WDR41: variants seen among roughly 807,000 people sequenced by gnomAD.
WDR41 encodes the protein WD repeat-containing protein 41.
Under a neutral mutation model 69.3 loss-of-function variants are expected in WDR41, and 63 were observed. That is an observed-to-expected ratio of 0.91 (90% CI 0.74 to 1.12). WDR41 has a LOEUF of 1.12. WDR41 is among the 50% of genes most tolerant of loss of function. The probability of loss-of-function intolerance (pLI) is 0.00; values close to 1 mark genes in which losing one functional copy is unlikely to be tolerated. For missense variants in WDR41, 543 were observed against 534.5 expected (o/e 1.02, Z -0.16); for synonymous variants, 185 against 192.1 (o/e 0.96, Z 0.31).
chr5:77,552,886 T>C (rs1167164971), intron 1 of WDR41, among the ~76,000 whole-genome samples: 1 of 152,206 alleles, frequency 6.6e-6, no homozygotes, highest in African/African-American at 2.4e-5. Flanking sequence ...ATATAAAAAA[T>C]GAGCTTAAAT....
intron 1 of WDR41, among the ~76,000 whole-genome samples, chr5:77,502,367 T>A (rs1802030790): frequency 6.6e-6 from 1 of 150,538 alleles, no homozygotes; most frequent in African/African-American, 2.4e-5. Context: ...AATATGGGAC[T>A]ATGTGAAAAG....
rs140688361 is a variant in WDR41 at position 77,433,451 on chromosome 5, A to C, written c.1228-164T>G. 3.6e-3 allele frequency among the ~76,000 whole-genome samples: 551 copies of C among 152,324 alleles called. 2 individuals are homozygous for C. The highest frequency in any genetic ancestry group is 4.8e-3 in the Non-Finnish European group (325 of 68,038). On this transcript the variant is annotated intron_variant, in intron 12 of 12. Transcript: ENST00000296679. ...AGTATTGGTAAGTCACATACAAATAATATCTAATATTTTAATCAGAATTTT... is the reference window on the plus strand; with the variant it reads ...AGTATTGGTAAGTCACATACAAATACTATCTAATATTTTAATCAGAATTTT...
At chr5:77,515,017 C>T (rs930530943) in intron 1 of WDR41, among the ~76,000 whole-genome samples, 1 of 152,082 alleles carries the variant, frequency 6.6e-6, no homozygotes, top group East Asian at 1.9e-4. Context: ...CTCCAGTAAA[C>T]TTTATAAACA....
chr5:77,592,795 A>G (rs1212250849), intron 1 of WDR41, among the ~76,000 whole-genome samples: 1 of 152,208 alleles, frequency 6.6e-6, no homozygotes, highest in Non-Finnish European at 1.5e-5. Context: ...CTTGTTGTCC[A>G]GTGTTTTTAT....
intron 2 of WDR41, among the ~76,000 whole-genome samples, chr5:77,485,314 G>C (rs1048946948): frequency 6.6e-6 from 1 of 152,196 alleles, no homozygotes; most frequent in African/African-American, 2.4e-5. Flanking sequence ...CTGAAGGTTA[G>C]TGTATAAGAA....
At chr5:77,492,131 A>C (rs1367864485) in intron 1 of WDR41, 39 bp downstream of exon 1, 1 of 1,600,716 alleles carries the variant, frequency 6.2e-7, no homozygotes, top group Non-Finnish European at 8.5e-7. Flanking sequence ...CCCCTCCAGC[A>C]AGCTCGACGG....
intron 1 of WDR41, chr5:77,582,905 G>T (rs1157702047): frequency 5.6e-6 from 9 of 1,608,756 alleles, no homozygotes; most frequent in Non-Finnish European, 7.6e-6. Flanking sequence ...TTGATTGCTC[G>T]ATCTCTTGGT....
rs1554032661 is a variant in WDR41, at chr5:77,489,581, GAA to G, written c.52-11_52-10del. On this transcript the variant is annotated splice_polypyrimidine_tract_variant and intron_variant, in intron 1 of 12. Coordinates refer to ENST00000296679, the MANE Select transcript of WDR41 (RefSeq NM_018268.4). ...GTCTGTAAAGGAGATTTCTTGTATT[GAA>G]AAAAAAAAAAAAGCAAAAAACAAAA... is the stretch of plus-strand genomic sequence containing the variant. The G allele has an allele frequency of 8.7e-3, 8,409 of 966,274 alleles. No individual in the cohort carries two copies. Among genetic ancestry groups the G allele is most frequent in the Non-Finnish European group, 9.5e-3 (6,676 of 705,090 alleles). The allele number at this position is 966,274 out of a possible 1,614,324, so 59.9% of individuals were successfully genotyped here.
At chr5:77,512,888 A>G (rs1194707456) in intron 1 of WDR41, among the ~76,000 whole-genome samples, 2 of 152,268 alleles carry the variant, frequency 1.3e-5, no homozygotes, top group Non-Finnish European at 2.9e-5. Flanking sequence ...TATTCTTCTT[A>G]CAAGTTAAAC....
intron 4 of WDR41, among the ~76,000 whole-genome samples, chr5:77,461,949 A>C (rs1800087110): frequency 6.6e-6 from 1 of 152,168 alleles, no homozygotes; most frequent in Non-Finnish European, 1.5e-5. Flanking sequence ...CCTCATACAG[A>C]TATTAAAGGG....
At chr5:77,529,362 A>G (rs1315524555) in intron 1 of WDR41, among the ~76,000 whole-genome samples, 1 of 151,538 alleles carries the variant, frequency 6.6e-6, no homozygotes, top group Non-Finnish European at 1.5e-5. Flanking sequence ...TTACTGATAA[A>G]AAAAACTTTA....
At chr5:77,434,311 C>CG (rs1323269510) in intron 12 of WDR41, among the ~76,000 whole-genome samples, 48 of 150,888 alleles carry the variant, frequency 3.2e-4, no homozygotes, top group South Asian at 2.5e-3. Flanking sequence ...AACTCCCTCT[C>CG]GGGAAAAAAA....
At chr5:77,611,952 A>C (rs1326773664) in intron 1 of WDR41, among the ~76,000 whole-genome samples, 1 of 152,222 alleles carries the variant, frequency 6.6e-6, no homozygotes, top group Non-Finnish European at 1.5e-5. Context: ...AAAAATGAAA[A>C]AGGGGATATC....
intron 5 of WDR41, among the ~76,000 whole-genome samples, chr5:77,456,155 G>A (rs1010289903): frequency 1.3e-5 from 2 of 151,944 alleles, no homozygotes; most frequent in African/African-American, 2.4e-5. Flanking sequence ...GTAGTTTTTG[G>A]TATATAAGTC....
intron 8 of WDR41, among the ~76,000 whole-genome samples, chr5:77,446,779 G>A (rs1004206653): frequency 6.6e-6 from 1 of 152,116 alleles, no homozygotes; most frequent in African/African-American, 2.4e-5. Flanking sequence ...ATTAACTCAA[G>A]ATGAATTAAA....
upstream of WDR41, among the ~76,000 whole-genome samples, chr5:77,496,847 C>T (rs1801942893): frequency 1.3e-5 from 2 of 152,064 alleles, no homozygotes; most frequent in Non-Finnish European, 2.9e-5. Flanking sequence ...TCACACTTCC[C>T]AACTGTGGAA....
At chr5:77,521,051 A>G (rs879803433) in intron 1 of WDR41, among the ~76,000 whole-genome samples, 3 of 152,082 alleles carry the variant, frequency 2.0e-5, no homozygotes, top group Non-Finnish European at 4.4e-5. Flanking sequence ...GTCTCGCCCA[A>G]ATAAGTTGGT....
At chr5:77,537,753 C>G (rs1743014290) in intron 1 of WDR41, among the ~76,000 whole-genome samples, 3 of 152,110 alleles carry the variant, frequency 2.0e-5, no homozygotes, top group Admixed American at 6.6e-5. Context: ...TCAGCAAGAG[C>G]ATCAAGAATA....
chr5:77,577,501 A>G (rs1430558526), intron 1 of WDR41, among the ~76,000 whole-genome samples: 10 of 152,198 alleles, frequency 6.6e-5, no homozygotes, highest in Admixed American at 6.5e-5. Context: ...ATTAGTTCCG[A>G]TAACACAAAC....
Sources: allele counts gnomAD v4.1 joint callset (sites outside exome capture counted in the v4.1 genomes callset), GRCh38; gene constraint gnomAD v4.1.1; transcripts MANE v1.5; gene names NCBI Gene and HGNC (gene_info 2026-07-23, HGNC 2026-07-21).